PECR: variants seen among roughly 807,000 people sequenced by gnomAD.
The protein encoded by PECR is 2,4-dienoyl-CoA reductase-related protein.
Under a neutral mutation model 35.3 loss-of-function variants are expected in PECR, and 30 were observed. That is an observed-to-expected ratio of 0.85 (90% CI 0.64 to 1.15). The LOEUF (loss-of-function observed/expected upper bound fraction) is 1.15, where lower values mean the gene tolerates loss of function less well. PECR is among the 50% of genes most tolerant of loss of function. The pLI, the probability that PECR is intolerant of heterozygous loss-of-function variation, is 0.00. For missense variants in PECR, 392 were observed against 370.8 expected, an observed-to-expected ratio of 1.06 and a Z score of -0.47; for synonymous variants, 148 against 138.9, an observed-to-expected ratio of 1.07 and a Z score of -0.46.
In PECR at chr2:216,069,900, C is replaced by T. The variant is rs555517039; in HGVS notation, c.125-3382G>A. 2.1e-4 allele frequency among the ~76,000 whole-genome samples: 31 copies of T among 147,548 alleles called. No homozygotes were observed. The East Asian group carries it at 2.8e-3, about 13-fold the overall frequency. On this transcript the variant is annotated intron_variant, in intron 1 of 7. Coordinates refer to ENST00000265322, the MANE Select transcript of PECR (RefSeq NM_018441.6). ...GTAGTGAGCTGAGATCGTGCCATTG[C>T]ACCCCAGCCTGGGTGACAAGAGCAA...
intron 1 of PECR, among the ~76,000 whole-genome samples, chr2:216,078,318 A>T (rs1053881330): frequency 5.3e-5 from 8 of 152,144 alleles, no homozygotes; most frequent in African/African-American, 1.7e-4. Flanking sequence ...TGATTCTGGC[A>T]TAAAAAAATA....
At chr2:216,067,560 T>C (rs1423068737) in intron 1 of PECR, among the ~76,000 whole-genome samples, 1 of 149,700 alleles carries the variant, frequency 6.7e-6, no homozygotes, top group Non-Finnish European at 1.5e-5. Context: ...ATTTTTTCTT[T>C]TTCTTTTTTT....
intron 7 of PECR, among the ~76,000 whole-genome samples, chr2:216,031,475 G>GAGAA (rs71047962): frequency 0.3 from 39,828 of 132,646 alleles, 6,313 homozygotes; most frequent in Admixed American, 0.4. Context: ...AAGAAAGAAA[G>GAGAA]AGAAAGAAAG....
chr2:216,035,492 T>C (rs967705389), downstream of PECR, among the ~76,000 whole-genome samples: 1 of 150,874 alleles, frequency 6.6e-6, no homozygotes, highest in Non-Finnish European at 1.5e-5. Flanking sequence ...GCTCTTCTTT[T>C]TTTTTTTTTT....
At chr2:216,034,752 G>A (rs1694766942), downstream of PECR, among the ~76,000 whole-genome samples, 2 of 152,124 alleles carry the variant, frequency 1.3e-5, no homozygotes, top group Admixed American at 1.3e-4. Context: ...AGGGGAGTGG[G>A]CGCTCCAGGG....
chr2:216,081,503 T>C lies in PECR; in HGVS notation c.124+115A>G. The C allele has an allele frequency of 2.2e-6, 3 of 1,336,232 alleles. No individual in the cohort carries two copies. The South Asian group carries it at 3.5e-5, about 16-fold the overall frequency. 82.8% of individuals were successfully genotyped at this position (1,336,232 alleles called of 1,614,324 possible). On this transcript the variant is annotated intron_variant, in intron 1 of 7. Transcript: ENST00000265322. ...CGTAATTTCGCCCACACCTGCCCCGTCTTTGCTCTGCAGCTCCACACTCCC... is the reference window on the plus strand; with the variant it reads ...CGTAATTTCGCCCACACCTGCCCCGCCTTTGCTCTGCAGCTCCACACTCCC...
chr2:216,041,335 C>G (rs1694882938), intron 7 of PECR, among the ~76,000 whole-genome samples: 1 of 152,116 alleles, frequency 6.6e-6, no homozygotes. Flanking sequence ...AAGATTCTCT[C>G]CACCCTCACT....
chr2:216,033,901 C>A (rs923319297), downstream of PECR: 6 of 152,146 alleles, frequency 3.9e-5, no homozygotes, highest in East Asian at 1.2e-3. Flanking sequence ...TCCAAAATAG[C>A]CTAGAGATTT....
chr2:216,080,470 CACTACTCAAG>C (rs2105973788), intron 1 of PECR, among the ~76,000 whole-genome samples: 1 of 152,250 alleles, frequency 6.6e-6, no homozygotes, highest in Non-Finnish European at 1.5e-5. Context: ...TCCATTTTTT[CACTACTCAAG>C]ACTACATCCT....
intron 7 of PECR, among the ~76,000 whole-genome samples, chr2:216,043,358 C>T (rs1450230470): frequency 6.6e-6 from 1 of 152,086 alleles, no homozygotes; most frequent in African/African-American, 2.4e-5. Context: ...GATCCACTTG[C>T]CTCAGCCTCC....
chr2:216,073,217 C>G (rs1695620655), intron 1 of PECR, among the ~76,000 whole-genome samples: 1 of 152,154 alleles, frequency 6.6e-6, no homozygotes, highest in Non-Finnish European at 1.5e-5. Flanking sequence ...CCTTTTGTTT[C>G]CAGGAGGGCC....
intron 1 of PECR, among the ~76,000 whole-genome samples, chr2:216,068,252 G>T (rs538997111): frequency 7.0e-6 from 1 of 142,374 alleles, no homozygotes; most frequent in East Asian, 2.0e-4. Flanking sequence ...AAAAAAACCG[G>T]AACCAGAAAT....
intron 5 of PECR, among the ~76,000 whole-genome samples, chr2:216,051,181 G>A (rs1477345082): frequency 4.0e-5 from 6 of 149,888 alleles, no homozygotes; most frequent in Non-Finnish European, 7.4e-5. Context: ...AGCTACTTAG[G>A]AGGCTGAGGC....
At chr2:216,081,055 A>AT (rs960142348) in intron 1 of PECR, among the ~76,000 whole-genome samples, 11 of 152,118 alleles carry the variant, frequency 7.2e-5, no homozygotes, top group Admixed American at 6.6e-4. Context: ...AACTTTATAT[A>AT]TTTTTTTAAT....
rs535743968 is a variant in PECR at position 216,046,500 on chromosome 2, C to T, written c.715-2485G>A. Among the ~76,000 whole-genome samples, 10 of 151,536 alleles carry T rather than the reference C, an allele frequency of 6.6e-5. No individual in the cohort carries two copies. The South Asian group carries it at 1.0e-3, about 16-fold the overall frequency. The stretch of plus-strand genomic sequence containing the variant: ...TAATTTTTGTATTTTTTAGTATAGA[C>T]GGGGTTTCGCCATGTTGGCCAGGCT... On this transcript the variant is annotated intron_variant, in intron 6 of 7. Transcript: ENST00000265322.
Position 216,080,113 on chromosome 2 carries a change from GCT to G in PECR, c.124+1503_124+1504del, listed in dbSNP as rs529010570. ...TATTTATTTATTGAGATGGAATCTCGCTCTGTTGCCCAGGCTGGAGTGCAGTG... is the reference window on the plus strand; with the variant it reads ...TATTTATTTATTGAGATGGAATCTCGCTGTTGCCCAGGCTGGAGTGCAGTG... On this transcript the variant is annotated intron_variant, in intron 1 of 7. Transcript: ENST00000265322. 4.0e-4 allele frequency among the ~76,000 whole-genome samples: 61 copies of G among 151,534 alleles called. 1 individual carries two copies. In the East Asian group the frequency reaches 0.011, roughly 28 times the overall value.
downstream of PECR, among the ~76,000 whole-genome samples, chr2:216,037,104 T>G (rs1694806433): frequency 6.6e-6 from 1 of 152,230 alleles, no homozygotes; most frequent in South Asian, 2.1e-4. Context: ...AAATACATAG[T>G]AGGTGCTCCA....
chr2:216,045,954 G>C (rs909389725), intron 6 of PECR, among the ~76,000 whole-genome samples: 3 of 152,098 alleles, frequency 2.0e-5, no homozygotes, highest in Non-Finnish European at 4.4e-5. Context: ...GAGGCAGGTG[G>C]ATCACCTGAG....
chr2:216,043,477 T>C (rs1342817901), intron 7 of PECR, among the ~76,000 whole-genome samples: 3 of 152,050 alleles, frequency 2.0e-5, no homozygotes, highest in Non-Finnish European at 4.4e-5. Context: ...TCAATATATA[T>C]CTCAAAGAGA....
Sources: gnomAD v4.1 joint callset for allele counts (sites outside exome capture counted in the v4.1 genomes callset) on GRCh38, gnomAD v4.1.1 for gene constraint, MANE v1.5 for transcripts, NCBI Gene and HGNC (gene_info 2026-07-23, HGNC 2026-07-21) for gene names.